The following TPD52 variants were observed in gnomAD, a reference collection of about 807,000 sequenced individuals.
TPD52 encodes prostate and colon associated protein.
In TPD52, 17 loss-of-function variants were observed where a neutral mutation model predicts 31.3. The observed-to-expected ratio is 0.54, with a 90% CI of 0.37 to 0.82. TPD52 has a LOEUF of 0.82. Among genes scored for constraint, TPD52 ranks in the 40% least tolerant of loss-of-function variants. The probability of loss-of-function intolerance (pLI) is 0.00; values close to 1 mark genes in which losing one functional copy is unlikely to be tolerated. For missense variants in TPD52, 212 were observed against 240.1 expected, an observed-to-expected ratio of 0.88 and a Z score of 0.77; for synonymous variants, 83 against 89.6, an observed-to-expected ratio of 0.93 and a Z score of 0.42.
Position 80,051,590 on chromosome 8 carries a change from T to A in TPD52, c.323A>T (p.Gln108Leu). 1 of 1,612,964 alleles carries A rather than the reference T, an allele frequency of 6.2e-7. No individual in the cohort carries two copies. Residue 108 changes from glutamine to leucine, a missense_variant, in exon 4 of 8, where the codon CAG becomes CTG. By Grantham distance (113) the Gln-to-Leu change is moderately radical. Transcript: ENST00000518937. The part of the protein sequence containing the change: ...KTSETLSQAG[Q>L]KASAAFSSVG... ...AGACGAAAAAGCAGCTGAGGCCTTC[T>A]GTCCAGCCTGGGATAAGGTTTCAGA...
At chr8:80,074,483 G>A (rs369744048) in intron 1 of TPD52, among the ~76,000 whole-genome samples, 1 of 152,226 alleles carries the variant, frequency 6.6e-6, no homozygotes, top group East Asian at 1.9e-4. Context: ...TAAGCATCCA[G>A]TTAAGGCAGC....
At chr8:80,101,800 C>T (rs1806763024) in intron 1 of TPD52, among the ~76,000 whole-genome samples, 1 of 152,154 alleles carries the variant, frequency 6.6e-6, no homozygotes, top group Non-Finnish European at 1.5e-5. Flanking sequence ...GAAGGATCCC[C>T]CCCATGACCC....
chr8:80,155,008 T>G (rs1387366992), intron 1 of TPD52, among the ~76,000 whole-genome samples: 1 of 144,466 alleles, frequency 6.9e-6, no homozygotes, highest in Admixed American at 6.7e-5. Context: ...TTTGTTTTTT[T>G]TTTTTTTGAG....
At chr8:80,080,222 A>T in intron 1 of TPD52, 1 of 1,156,092 alleles carries the variant, frequency 8.6e-7, no homozygotes, top group East Asian at 2.4e-5. Context: ...ACCCTGGTAC[A>T]TCTTTACACT....
chr8:80,119,415 T>C (rs1157887785), intron 1 of TPD52, among the ~76,000 whole-genome samples: 1 of 152,206 alleles, frequency 6.6e-6, no homozygotes, highest in Non-Finnish European at 1.5e-5. Context: ...GTTATCAGAA[T>C]TATATCTTAA....
At chr8:80,050,812 C>T (rs1354728809) in intron 4 of TPD52, among the ~76,000 whole-genome samples, 1 of 151,988 alleles carries the variant, frequency 6.6e-6, no homozygotes, top group African/African-American at 2.4e-5. Context: ...AAATGCAAAA[C>T]ACGAAGCCAT....
chr8:80,167,114 T>C (rs1241168426), intron 1 of TPD52, among the ~76,000 whole-genome samples: 2 of 152,164 alleles, frequency 1.3e-5, no homozygotes, highest in African/African-American at 2.4e-5. Flanking sequence ...TTCCACTAAA[T>C]ATTAAAATTC....
chr8:80,061,220 C>T (rs995343105), intron 2 of TPD52, among the ~76,000 whole-genome samples: 82 of 152,000 alleles, frequency 5.4e-4, no homozygotes, highest in Middle Eastern at 3.4e-3. Flanking sequence ...CAAAATTAGC[C>T]GGGCGTAGTG....
chr8:80,057,590 T>C (rs1013721927), intron 2 of TPD52, among the ~76,000 whole-genome samples: 4 of 152,132 alleles, frequency 2.6e-5, no homozygotes, highest in African/African-American at 9.7e-5. Context: ...TACCACATGT[T>C]CTGACTTATA....
intron 1 of TPD52, among the ~76,000 whole-genome samples, chr8:80,111,718 A>G (rs1807508280): frequency 6.6e-6 from 1 of 152,226 alleles, no homozygotes; most frequent in South Asian, 2.1e-4. Flanking sequence ...TGCAAGATAA[A>G]AAGGTTGAAT....
intron 1 of TPD52, among the ~76,000 whole-genome samples, chr8:80,129,479 G>T (rs1808863358): frequency 6.6e-6 from 1 of 152,134 alleles, no homozygotes; most frequent in Non-Finnish European, 1.5e-5. Flanking sequence ...TAGAATGCTG[G>T]CCGGATAGCA....
rs1404904273 is a variant in TPD52, at chr8:80,038,013, A to G, written c.*103T>C. On this transcript the variant is annotated 3_prime_UTR_variant, in exon 8 of 8. Coordinates refer to ENST00000518937, the MANE Select transcript of TPD52 (RefSeq NM_001025253.3). ...GTCAAAGGAATATGTAAAGCTAAAT[A>G]AAAGCACATCTGGTAGAAATTCATG... The G allele has an allele frequency of 1.3e-6, 2 of 1,499,898 alleles. No individual in the cohort carries two copies. The highest frequency in any genetic ancestry group is 2.3e-5 in the East Asian group (1 of 43,840). The allele number at this position is 1,499,898 out of a possible 1,614,324, so 92.9% of individuals were successfully genotyped here.
At chr8:80,112,739 C>T (rs12679499) in intron 1 of TPD52, among the ~76,000 whole-genome samples, 67,369 of 151,750 alleles carry the variant, frequency 0.44, 15,398 homozygotes, top group East Asian at 0.79. Flanking sequence ...CCAGACTCTT[C>T]ATCAGCAACC....
At chr8:80,159,641 T>C (rs981638418) in intron 1 of TPD52, among the ~76,000 whole-genome samples, 1 of 152,198 alleles carries the variant, frequency 6.6e-6, no homozygotes, top group Non-Finnish European at 1.5e-5. Flanking sequence ...TCATAGGGTA[T>C]GTTCTGAAAT....
chr8:80,065,291 ATATC>A (rs200924321), intron 1 of TPD52, among the ~76,000 whole-genome samples: 120 of 110,160 alleles, frequency 1.1e-3, no homozygotes, highest in Non-Finnish European at 1.9e-3. Context: ...CTATATATCT[ATATC>A]TATCTATCTA....
intron 1 of TPD52, 119 bp downstream of exon 1, chr8:80,171,306 C>T (rs1329862801): frequency 2.2e-6 from 3 of 1,338,632 alleles, no homozygotes; most frequent in Non-Finnish European, 3.1e-6. Context: ...CGGCGCCGGC[C>T]CAGGAGGCTC....
chr8:80,045,006 T>TGA (rs1810706572), intron 5 of TPD52, among the ~76,000 whole-genome samples: 2 of 152,236 alleles, frequency 1.3e-5, no homozygotes, highest in African/African-American at 4.8e-5. Flanking sequence ...CATTAATATC[T>TGA]GATAACATGG....
At chr8:80,148,078 T>C (rs1810324084) in intron 1 of TPD52, among the ~76,000 whole-genome samples, 1 of 152,172 alleles carries the variant, frequency 6.6e-6, no homozygotes, top group Non-Finnish European at 1.5e-5. Flanking sequence ...ATCTCCCTAC[T>C]ATTGCTGTAA....
At chr8:80,057,401 A>G (rs1246407688) in intron 2 of TPD52, among the ~76,000 whole-genome samples, 1 of 152,208 alleles carries the variant, frequency 6.6e-6, no homozygotes, top group East Asian at 1.9e-4. Context: ...TTATTGCATC[A>G]CTATTCACAA....
Sources: allele counts gnomAD v4.1 joint callset (sites outside exome capture counted in the v4.1 genomes callset), GRCh38; gene constraint gnomAD v4.1.1; transcripts MANE v1.5; gene names NCBI Gene and HGNC (gene_info 2026-07-23, HGNC 2026-07-21).